The following CCDC136 variants were observed in gnomAD, a reference collection of about 807,000 sequenced individuals.
CCDC136 encodes the protein coiled-coil domain-containing protein 136.
CCDC136 carries 100 observed loss-of-function variants against 141.2 expected under a neutral mutation model. The observed-to-expected ratio is 0.71, with a 90% confidence interval of 0.60 to 0.84. The LOEUF is 0.84. Among genes scored for constraint, CCDC136 ranks in the 40% least tolerant of loss-of-function variants. The pLI is 0.00. For missense variants in CCDC136, 1,206 were observed against 1,379.4 expected (o/e 0.87, Z 1.99); for synonymous variants, 474 against 531.9 (o/e 0.89, Z 1.50).
chr7:128,811,886 G>C lies in CCDC136; in HGVS notation c.2115G>C (p.Glu705Asp). ...GQAKQELLQQ[E>D]QGRLLEERKR... ...CGAAGCAGGAGCTCTTGCAGCAAGA[G>C]CAAGGGAGGCTCCTAGAGGAGCGGA... The change falls in exon 13 of 18, where the codon GAG becomes GAC. Residue 705 changes from glutamate (E) to aspartate (D), a missense_variant. Transcript: ENST00000297788. The C allele has an allele frequency of 6.2e-7, 1 of 1,613,728 alleles. No individual in the cohort carries two copies. The highest frequency in any genetic ancestry group is 8.5e-7 in the Non-Finnish European group (1 of 1,179,726).
At chr7:128,802,411 A>G (rs1585076185) in intron 4 of CCDC136, among the ~76,000 whole-genome samples, 1 of 152,274 alleles carries the variant, frequency 6.6e-6, no homozygotes, top group South Asian at 2.1e-4. Flanking sequence ...TTTAGATTAA[A>G]TGGTGCTGGG....
chr7:128,818,546 T>C (rs1324179483), intron 17 of CCDC136, among the ~76,000 whole-genome samples: 1 of 152,214 alleles, frequency 6.6e-6, no homozygotes, highest in Non-Finnish European at 1.5e-5. Flanking sequence ...TTTTATTAGT[T>C]ATCTATTTAT....
At chr7:128,806,128 T>A in intron 7 of CCDC136, 109 bp from the exon 8 acceptor site, 1 of 1,089,280 alleles carries the variant, frequency 9.2e-7, no homozygotes, top group South Asian at 1.7e-5. Flanking sequence ...ACCCTAGACC[T>A]GTGGGAGCTC....
Position 128,822,014 on chromosome 7 carries a change from C to G in CCDC136, c.*221C>G, listed in dbSNP as rs1807496629. ...CCCTCCCCATATGTTCCATGTGTCC[C>G]CATCTCCTCAGCCTCAGTCACCCAG... On this transcript the variant is annotated 3_prime_UTR_variant, in exon 18 of 18. Coordinates refer to ENST00000297788, the MANE Select transcript of CCDC136 (RefSeq NM_022742.5). 4.8e-6 allele frequency: 6 copies of G among 1,241,868 alleles called. No homozygotes were observed. Among genetic ancestry groups the G allele is most frequent in the Non-Finnish European group, 5.2e-6 (5 of 961,538 alleles). The allele number at this position is 1,241,868 out of a possible 1,614,324, so 76.9% of individuals were successfully genotyped here.
In CCDC136 at chr7:128,794,655, C is replaced by T; in HGVS notation, c.272-39C>T. On this transcript the variant is annotated intron_variant, in intron 2 of 17. Transcript: ENST00000297788. The surrounding 1 kb of genome is among the most constrained non-coding windows in gnomAD (Gnocchi z 4.3). ...CCGGGCCCAGAGGCTCTGCACTCCC[C>T]TGGATCCGAGCTTGACACTGGTGCC... 1 of 1,542,582 alleles carries T rather than the reference C, an allele frequency of 6.5e-7. No homozygotes were observed. Among genetic ancestry groups the T allele is most frequent in the South Asian group, 1.2e-5 (1 of 82,956 alleles).
At chr7:128,806,604 T>G (rs776082522) in intron 8 of CCDC136, 84 bp from the exon 9 acceptor site, 13 of 1,325,414 alleles carry the variant, frequency 9.8e-6, no homozygotes, top group Admixed American at 4.8e-5. Context: ...AATCTTAGAC[T>G]GTTGGTGTCT....
chr7:128,806,819 C>T lies in CCDC136; in HGVS notation c.1380C>T (p.Leu460=), dbSNP rs776361585. 2.5e-6 allele frequency: 4 copies of T among 1,612,604 alleles called. No individual in the cohort carries two copies. Among genetic ancestry groups the T allele is most frequent in the Non-Finnish European group, 3.4e-6 (4 of 1,179,494 alleles). ...LQCHEAELQH[L]RDTVASFKES... is the part of the protein sequence containing the mutation. ...GCCATGAGGCAGAGCTGCAGCACCT[C>T]AGGGATACGGTGGCCTCCTTCAAAG... The change falls in exon 9 of 18, where the codon CTC becomes CTT. Residue 460 remains leucine (L), a synonymous_variant. Coordinates refer to ENST00000297788, the MANE Select transcript of CCDC136 (RefSeq NM_022742.5).
chr7:128,796,286 G>A (rs1802935897), intron 3 of CCDC136, among the ~76,000 whole-genome samples: 1 of 152,128 alleles, frequency 6.6e-6, no homozygotes, highest in African/African-American at 2.4e-5. Context: ...AAAGGATCCA[G>A]CCATCCAAGA....
At chr7:128,798,478 C>G (rs1033780543) in intron 3 of CCDC136, among the ~76,000 whole-genome samples, 2 of 151,972 alleles carry the variant, frequency 1.3e-5, no homozygotes, top group African/African-American at 4.8e-5. Context: ...TCTCCAACCC[C>G]TGATCTCAAG....
rs987958530 is a variant in CCDC136 at position 128,815,896 on chromosome 7, G to C, written c.3328G>C (p.Glu1110Gln). The C allele has an allele frequency of 1.2e-6, 2 of 1,613,752 alleles. No individual in the cohort carries two copies. ...CGACTCTTCCCTTGAAAGTCCCGAA[G>C]AAAATAACCCCCTCAGACTTTCCGA... ...DADSSLESPE[E>Q]NNPLRLSESK... Residue 1110 changes from glutamate to glutamine, a missense_variant, in exon 16 of 18, where the codon GAA (glutamate) becomes CAA (glutamine). Glu to Gln is a conservative substitution (Grantham distance 29, BLOSUM62 2). Coordinates refer to ENST00000297788, the MANE Select transcript of CCDC136 (RefSeq NM_022742.5).
At position 128,812,596 on chromosome 7, in the gene CCDC136, G is replaced by T; in HGVS notation, c.2542-112G>T. The T allele has an allele frequency of 8.4e-6, 7 of 834,112 alleles. No individual in the cohort carries two copies. The South Asian group carries it at 1.1e-4, about 13-fold the overall frequency. 51.7% of individuals were successfully genotyped at this position (834,112 alleles called of 1,614,324 possible). Reference sequence around the variant, plus strand: ...GGGTAAATATAGTAATCCCCCGCGGGCATCTCTGGATCCTGGTGGCCATTG... The same window carrying T: ...GGGTAAATATAGTAATCCCCCGCGGTCATCTCTGGATCCTGGTGGCCATTG... On this transcript the variant is annotated intron_variant, in intron 13 of 17. Coordinates refer to ENST00000297788, the MANE Select transcript of CCDC136 (RefSeq NM_022742.5).
chr7:128,812,000 C>T lies in CCDC136; in HGVS notation c.2229C>T (p.Ser743=), dbSNP rs1405271985. ...CTTCTATAAAAATGAGCCTTGAGTC[C>T]TACGGGAAGAGCTATGGTAGCATGG... The part of the protein sequence containing the change: ...QSPSIKMSLE[S]YGKSYGSMVP... Residue 743 remains serine (S), a synonymous_variant, in exon 13 of 18, where the codon TCC becomes TCT. Coordinates refer to ENST00000297788, the MANE Select transcript of CCDC136 (RefSeq NM_022742.5). 1.9e-6 allele frequency: 3 copies of T among 1,613,926 alleles called. No individual in the cohort carries two copies. The South Asian group carries it at 3.3e-5, about 18-fold the overall frequency.
At chr7:128,792,500 C>A in intron 1 of CCDC136, 73 bp downstream of exon 1, 1 of 1,214,964 alleles carries the variant, frequency 8.2e-7, no homozygotes, top group Non-Finnish European at 1.2e-6. Flanking sequence ...TCCCTCTGAC[C>A]CCCAGGCCTC....
In CCDC136 at chr7:128,807,559, A is replaced by C; in HGVS notation, c.1605+14A>C. Reference sequence around the variant, plus strand: ...TGTGCTAATAAGGTAATTGTCGTTCAGAGAGGTGACAGCTCCTGGGCACTT... The same window carrying C: ...TGTGCTAATAAGGTAATTGTCGTTCCGAGAGGTGACAGCTCCTGGGCACTT... On this transcript the variant is annotated intron_variant, in intron 10 of 17. Transcript: ENST00000297788. 7.3e-7 allele frequency: 1 copy of C among 1,365,258 alleles called. No homozygotes were observed. Among genetic ancestry groups the C allele is most frequent in the Non-Finnish European group, 9.6e-7 (1 of 1,042,826 alleles). 84.6% of individuals were successfully genotyped at this position (1,365,258 alleles called of 1,614,324 possible).
intron 15 of CCDC136, among the ~76,000 whole-genome samples, 173 bp from the exon 16 acceptor site, chr7:128,815,441 G>A (rs1215092981): frequency 6.6e-6 from 1 of 152,162 alleles, no homozygotes; most frequent in African/African-American, 2.4e-5. Flanking sequence ...GGTGAGGTGT[G>A]ATGCCCTCTA....
Position 128,809,518 on chromosome 7 carries a change from G to A in CCDC136, c.1674G>A (p.Gly558=), listed in dbSNP as rs752877352. 2.2e-5 allele frequency: 34 copies of A among 1,553,362 alleles called. No individual in the cohort carries two copies. Among genetic ancestry groups the A allele is most frequent in the African/African-American group, 4.1e-5 (3 of 73,190 alleles). The change falls in exon 11 of 18, where the codon GGG becomes GGA. Residue 558 remains glycine, a synonymous_variant. Coordinates refer to ENST00000297788, the MANE Select transcript of CCDC136 (RefSeq NM_022742.5). ...ACAAGGCCAGCCAGAAGGAGATGGGGCAGCTGCAGATGGAGCAGTGTGAGC... is the reference window on the plus strand; with the variant it reads ...ACAAGGCCAGCCAGAAGGAGATGGGACAGCTGCAGATGGAGCAGTGTGAGC... ...EKYKASQKEM[G]QLQMEQCELL...
In CCDC136 at chr7:128,812,840, AAGGAAGAG is replaced by A. The variant is rs1400876778; in HGVS notation, c.2675_2682del (p.Lys892ThrfsTer5). 1.2e-6 allele frequency: 2 copies of A among 1,613,350 alleles called. No homozygotes were observed. The highest frequency in any genetic ancestry group is 4.5e-5 in the East Asian group (2 of 44,818). On this transcript the variant is annotated frameshift_variant, in exon 14 of 18. Coordinates refer to ENST00000297788, the MANE Select transcript of CCDC136 (RefSeq NM_022742.5). LOFTEE classifies it high-confidence loss of function. ...GTTACTGGCCAAGCAGAAAGACCTG[AAGGAAGAG>A]CTGGATGCCTGTGAAAGGGAGTTCA... is the stretch of plus-strand genomic sequence containing the variant.
Position 128,809,432 on chromosome 7 carries a change from A to ACCCCCCCCCCC in CCDC136, c.1606-15_1606-14insCCCCCCCCCCC. On this transcript the variant is annotated splice_polypyrimidine_tract_variant and intron_variant, in intron 10 of 17. Transcript: ENST00000297788. ...CTTACAGAGTAACCACCCCCTCCAC[A>ACCCCCCCCCCC]CCCGCCCCCACCCACAGTGTGACAC... 3 of 1,253,180 alleles carry ACCCCCCCCCCC rather than the reference A, an allele frequency of 2.4e-6. No homozygotes were observed. The highest frequency in any genetic ancestry group is 2.9e-5 in the East Asian group (1 of 34,352). 77.6% of individuals were successfully genotyped at this position (1,253,180 alleles called of 1,614,324 possible). A position where few individuals can be genotyped will look rare whatever the true frequency, so the allele number is the denominator to read the frequency against.
chr7:128,812,276 C>T lies in CCDC136; in HGVS notation c.2505C>T (p.Cys835=). ...DTCQKSFVSS[C]TDEEPAEPED... ...GCCAGAAGAGTTTTGTCAGCAGCTG[C>T]ACTGACGAGGAACCTGCTGAGCCTG... Residue 835 remains cysteine, a synonymous_variant, in exon 13 of 18, where the codon TGC becomes TGT. Coordinates refer to ENST00000297788, the MANE Select transcript of CCDC136 (RefSeq NM_022742.5). 6.2e-7 allele frequency: 1 copy of T among 1,613,178 alleles called. No homozygotes were observed. The highest frequency in any genetic ancestry group is 2.2e-5 in the East Asian group (1 of 44,864).
Sources: gnomAD v4.1 joint callset for allele counts (sites outside exome capture counted in the v4.1 genomes callset) on GRCh38, gnomAD v4.1.1 for gene constraint, Gnocchi (gnomAD v3.1) non-coding constraint, MANE v1.5 for transcripts, NCBI Gene and HGNC (gene_info 2026-07-23, HGNC 2026-07-21) for gene names.